GRM3: variants seen among roughly 807,000 people sequenced by gnomAD.
GRM3 encodes metabotropic glutamate receptor 3.
GRM3 carries 26 observed loss-of-function variants against 70.5 expected under a neutral mutation model. That is an observed-to-expected ratio of 0.37 (90% CI 0.27 to 0.51). GRM3 has a LOEUF of 0.51. GRM3 is among the 20% of genes least tolerant of loss of function. The pLI is 0.93. For synonymous variants in GRM3, 443 were observed against 434.9 expected (o/e 1.02, Z -0.23); for missense variants, 859 against 1,123.8 (o/e 0.76, Z 3.37).
At chr7:86,813,902 G>T (rs1469752621) in intron 3 of GRM3, among the ~76,000 whole-genome samples, 1 of 151,630 alleles carries the variant, frequency 6.6e-6, no homozygotes, top group African/African-American at 2.4e-5. Context: ...GCAGAGACAG[G>T]GTATAGAGGA....
chr7:86,858,687 A>G (rs1291582357), intron 5 of GRM3, among the ~76,000 whole-genome samples: 5 of 152,216 alleles, frequency 3.3e-5, no homozygotes, highest in African/African-American at 9.6e-5. Context: ...GACTGAGACC[A>G]AGTGCTATTT....
At chr7:86,736,960 A>C (rs1334754453) in intron 1 of GRM3, among the ~76,000 whole-genome samples, 1 of 152,138 alleles carries the variant, frequency 6.6e-6, no homozygotes, top group East Asian at 1.9e-4. Flanking sequence ...ATCAAAAAAA[A>C]CAAATACATT....
chr7:86,680,707 C>T (rs1013008495), intron 1 of GRM3, among the ~76,000 whole-genome samples: 1 of 152,132 alleles, frequency 6.6e-6, no homozygotes, highest in Non-Finnish European at 1.5e-5. Flanking sequence ...AGTGCAAGAA[C>T]TGTATAAATA....
intron 1 of GRM3, among the ~76,000 whole-genome samples, chr7:86,651,669 T>C (rs1217943073): frequency 6.6e-6 from 1 of 152,162 alleles, no homozygotes; most frequent in East Asian, 1.9e-4. Context: ...TGGTGACCAG[T>C]CCATACTATA....
chr7:86,706,177 T>C (rs1015998136), intron 1 of GRM3, among the ~76,000 whole-genome samples: 1 of 152,114 alleles, frequency 6.6e-6, no homozygotes, highest in Non-Finnish European at 1.5e-5. Flanking sequence ...CTGACTTTCC[T>C]ATAGTTTGGA....
At chr7:86,777,036 A>T (rs1361418738) in intron 2 of GRM3, among the ~76,000 whole-genome samples, 4 of 152,172 alleles carry the variant, frequency 2.6e-5, no homozygotes, top group Non-Finnish European at 4.4e-5. Context: ...CTAAATCTGG[A>T]TGGAAAGAAA....
intron 1 of GRM3, among the ~76,000 whole-genome samples, chr7:86,672,857 C>G (rs566332068): frequency 2.0e-5 from 3 of 152,282 alleles, no homozygotes; most frequent in Non-Finnish European, 2.9e-5. Flanking sequence ...AAAGCATCCC[C>G]TCCCCTCTCT....
intron 1 of GRM3, among the ~76,000 whole-genome samples, chr7:86,670,396 C>G (rs1051410870): frequency 6.6e-6 from 1 of 152,180 alleles, no homozygotes; most frequent in African/African-American, 2.4e-5. Flanking sequence ...ATTCCAAGTT[C>G]ACATTTCCAA....
chr7:86,690,701 G>C (rs1354547810), intron 1 of GRM3, among the ~76,000 whole-genome samples: 1 of 152,110 alleles, frequency 6.6e-6, no homozygotes, highest in Non-Finnish European at 1.5e-5. Context: ...GAACAAGAGA[G>C]AGGACAGCTT....
At chr7:86,801,954 C>T (rs1220362377) in intron 3 of GRM3, among the ~76,000 whole-genome samples, 1 of 152,090 alleles carries the variant, frequency 6.6e-6, no homozygotes, top group Non-Finnish European at 1.5e-5. Context: ...TTCTCTAAAA[C>T]CACATTGGTT....
rs1382561233 is a variant in GRM3, at chr7:86,786,964, T to A, written c.1172T>A (p.Met391Lys). The A allele has an allele frequency of 1.9e-6, 3 of 1,614,084 alleles. No homozygotes were observed. The highest frequency in any genetic ancestry group is 2.5e-6 in the Non-Finnish European group (3 of 1,180,030). Residue 391 changes from methionine (M) to lysine (K), a missense_variant, in exon 3 of 6, where the codon ATG (methionine) becomes AAG (lysine). Met to Lys is a moderately conservative substitution (Grantham distance 95, BLOSUM62 -1). Transcript: ENST00000361669. This position sits in a 1 kb window ranked among gnomAD's most constrained non-coding sequence, Gnocchi z 6.0. ...SSNYEQESKI[M>K]FVVNAVYAMA... ...AACTACGAGCAAGAGTCCAAGATCA[T>A]GTTTGTGGTGAACGCGGTGTATGCC...
At position 86,645,156 on chromosome 7, in the gene GRM3, C is replaced by T. The variant is rs777715751; in HGVS notation, c.-141+284C>T. Among the ~76,000 whole-genome samples, 5 of 152,152 alleles carry T rather than the reference C, an allele frequency of 3.3e-5. No homozygotes were observed. The South Asian group carries it at 1.0e-3, about 32-fold the overall frequency. On this transcript the variant is annotated intron_variant, in intron 1 of 5. Transcript: ENST00000361669. ...AGGTGAAGGGACGAACTAGCACTCG[C>T]AGACCCCAGAGAGACCAGTCTCATC...
At chr7:86,713,283 G>A (rs1795240885) in intron 1 of GRM3, among the ~76,000 whole-genome samples, 1 of 151,966 alleles carries the variant, frequency 6.6e-6, no homozygotes, top group South Asian at 2.1e-4. Context: ...CTTCTTTTGA[G>A]AAATATATAT....
intron 3 of GRM3, among the ~76,000 whole-genome samples, chr7:86,807,801 A>G (rs2116645473): frequency 6.6e-6 from 1 of 152,252 alleles, no homozygotes; most frequent in Middle Eastern, 3.4e-3. Context: ...GAGTGGTGAG[A>G]GAGGGCATCC....
intron 1 of GRM3, among the ~76,000 whole-genome samples, chr7:86,654,631 T>G (rs932171112): frequency 6.6e-6 from 1 of 152,204 alleles, no homozygotes; most frequent in Non-Finnish European, 1.5e-5. Context: ...CATGACATTT[T>G]TCTTCTGTTT....
chr7:86,656,650 T>C (rs1793753227), intron 1 of GRM3, among the ~76,000 whole-genome samples: 2 of 152,178 alleles, frequency 1.3e-5, no homozygotes, highest in African/African-American at 4.8e-5. Flanking sequence ...TGTAATACGC[T>C]CACTTGCTTA....
At chr7:86,863,547 G>A (rs1044673287) in intron 5 of GRM3, among the ~76,000 whole-genome samples, 2 of 152,064 alleles carry the variant, frequency 1.3e-5, no homozygotes, top group Admixed American at 6.6e-5. Context: ...TCTGAGACCC[G>A]TTATGAAACT....
chr7:86,801,233 G>A (rs1797675969), intron 3 of GRM3, among the ~76,000 whole-genome samples: 3 of 151,996 alleles, frequency 2.0e-5, no homozygotes, highest in Admixed American at 6.6e-5. Flanking sequence ...GCCATGCCCA[G>A]CAAATTTTTG....
At chr7:86,665,275 G>T (rs1793998012) in intron 1 of GRM3, among the ~76,000 whole-genome samples, 1 of 151,968 alleles carries the variant, frequency 6.6e-6, no homozygotes, top group Non-Finnish European at 1.5e-5. Flanking sequence ...ATCCTATCCT[G>T]AAAGTCATAT....
Sources: gnomAD v4.1 joint callset for allele counts (sites outside exome capture counted in the v4.1 genomes callset) on GRCh38, gnomAD v4.1.1 for gene constraint, Gnocchi (gnomAD v3.1) non-coding constraint, MANE v1.5 for transcripts, NCBI Gene and HGNC (gene_info 2026-07-23, HGNC 2026-07-21) for gene names.